IARS2: variants seen among roughly 807,000 people sequenced by gnomAD.
The protein encoded by IARS2 is isoleucyl-tRNA synthetase 2, mitochondrial, also known as isoleucine--tRNA ligase, mitochondrial.
IARS2 carries 56 observed loss-of-function variants against 126.3 expected under a neutral mutation model. The ratio of observed to expected loss-of-function variants is 0.44; its 90% CI spans 0.36 to 0.55. IARS2 has a LOEUF of 0.55. Ranked by LOEUF, IARS2 falls within the 20% of genes least tolerant of loss-of-function variation. The probability of loss-of-function intolerance (pLI) is 0.00; values close to 1 mark genes in which losing one functional copy is unlikely to be tolerated. For synonymous variants in IARS2, 407 were observed against 441.1 expected (o/e 0.92, Z 0.97); for missense variants, 1,127 against 1,245.9 (o/e 0.90, Z 1.44).
chr1:220,110,151 A>G (rs1656767684), intron 10 of IARS2, among the ~76,000 whole-genome samples: 1 of 150,172 alleles, frequency 6.7e-6, no homozygotes. Context: ...GCTTTAGCTT[A>G]GGTTCAAATG....
At chr1:220,138,869 A>G (rs1657434301) in intron 17 of IARS2, 139 bp from the exon 18 acceptor site, 7 of 756,412 alleles carry the variant, frequency 9.3e-6, no homozygotes. Flanking sequence ...ATTTTTTTAC[A>G]TTTGTAGTCT....
In IARS2 at chr1:220,142,927, T is replaced by C; in HGVS notation, c.2561-17T>C. On this transcript the variant is annotated splice_polypyrimidine_tract_variant and intron_variant, in intron 20 of 22. Coordinates refer to ENST00000366922, the MANE Select transcript of IARS2 (RefSeq NM_018060.4). The stretch of plus-strand genomic sequence containing the variant: ...AGGATGTTTGTAAAGCAGTTTACTA[T>C]TTTTGTTCTTCTGAAGAGCCCAAGA... The C allele has an allele frequency of 6.4e-7, 1 of 1,568,830 alleles. No individual in the cohort carries two copies. The highest frequency in any genetic ancestry group is 1.3e-5 in the African/African-American group (1 of 74,092).
At chr1:220,142,166 A>G (rs933727017) in intron 20 of IARS2, among the ~76,000 whole-genome samples, 1 of 152,186 alleles carries the variant, frequency 6.6e-6, no homozygotes, top group Admixed American at 6.5e-5. Flanking sequence ...GCAGCTTGAC[A>G]GTGTCGAGAA....
In IARS2 at chr1:220,094,369, C is replaced by G. The variant is rs761323544; in HGVS notation, c.153C>G (p.His51Gln). 1.2e-6 allele frequency: 2 copies of G among 1,613,210 alleles called. No homozygotes were observed. Among genetic ancestry groups the G allele is most frequent in the East Asian group, 4.5e-5 (2 of 44,838 alleles). The change falls in exon 1 of 23, where the codon CAC becomes CAG. Residue 51 changes from histidine to glutamine, a missense_variant. His to Gln is a conservative substitution (Grantham distance 24). Coordinates refer to ENST00000366922, the MANE Select transcript of IARS2 (RefSeq NM_018060.4). The part of the protein sequence containing the change: ...LVRSVSGASN[H>Q]QPNSNSGRYR... ...GGTCGGTCTCCGGGGCCAGTAACCA[C>G]CAGCCGAACTCGAATAGTGGCAGAT...
intron 1 of IARS2, 60 bp downstream of exon 1, chr1:220,094,543 G>C: frequency 7.2e-7 from 1 of 1,395,036 alleles, no homozygotes; most frequent in Admixed American, 2.7e-5. Flanking sequence ...GCGGGCACCG[G>C]GCGCTCGCAG....
Position 220,102,619 on chromosome 1 carries a change from T to A in IARS2, c.859+15T>A. The A allele has an allele frequency of 6.3e-7, 1 of 1,594,086 alleles. No homozygotes were observed. The highest frequency in any genetic ancestry group is 8.6e-7 in the Non-Finnish European group (1 of 1,161,984). On this transcript the variant is annotated intron_variant, in intron 6 of 22. Coordinates refer to ENST00000366922, the MANE Select transcript of IARS2 (RefSeq NM_018060.4). ...ATCTCTTATAGGTAAGATTTATTCA[T>A]AGCTTGAGTGTACCAAAGTTATAGA...
intron 12 of IARS2, among the ~76,000 whole-genome samples, chr1:220,114,907 T>C (rs1302789328): frequency 6.6e-6 from 1 of 151,924 alleles, no homozygotes; most frequent in African/African-American, 2.4e-5. Flanking sequence ...TAAATGCACA[T>C]GATTACACTG....
At chr1:220,117,337 A>G (rs1309419723) in intron 12 of IARS2, among the ~76,000 whole-genome samples, 1 of 151,614 alleles carries the variant, frequency 6.6e-6, no homozygotes, top group African/African-American at 2.4e-5. Flanking sequence ...GATTAGAGGC[A>G]TGTGCCACCA....
rs757165355 is a variant in IARS2 at position 220,106,076 on chromosome 1, T to G, written c.1236+16T>G. The G allele has an allele frequency of 1.9e-5, 29 of 1,560,686 alleles. No homozygotes were observed. Among genetic ancestry groups the G allele is most frequent in the Non-Finnish European group, 2.4e-5 (28 of 1,149,380 alleles). On this transcript the variant is annotated intron_variant, in intron 9 of 22. Transcript: ENST00000366922. ...CCTGCCCATGGTACTGTTCCTCTTT[T>G]ATCATTTTTAATTATTCATCTTAAT...
rs1345248646 is a variant in IARS2, at chr1:220,102,245, C to T, written c.667C>T (p.Gln223Ter). ...YTFDGKYEAK[Q>*]LRTFYQMYDK... Reference sequence around the variant, plus strand: ...ATTTGATGGGAAGTATGAAGCCAAACAGTTGAGAACTTTTTACCAAATGTA... The same window carrying T: ...ATTTGATGGGAAGTATGAAGCCAAATAGTTGAGAACTTTTTACCAAATGTA... The change falls in exon 4 of 23, where the codon CAG becomes TAG. Residue 223 changes from glutamine (Q) to a stop codon, truncating the protein, a stop_gained. Transcript: ENST00000366922. LOFTEE classifies it high-confidence loss of function. The T allele has an allele frequency of 6.2e-7, 1 of 1,608,634 alleles. No individual in the cohort carries two copies. The highest frequency in any genetic ancestry group is 8.5e-7 in the Non-Finnish European group (1 of 1,178,780).
chr1:220,105,284 C>G (rs80142259), intron 8 of IARS2, among the ~76,000 whole-genome samples: 10,920 of 152,152 alleles, frequency 0.072, 522 homozygotes, highest in South Asian at 0.15. Context: ...ACTTCATTGT[C>G]AAGTTATACA....
At chr1:220,102,023 T>C in intron 3 of IARS2, 106 bp from the exon 4 acceptor site, 3 of 1,119,406 alleles carry the variant, frequency 2.7e-6, no homozygotes, top group South Asian at 2.9e-5. Context: ...AAAATTTGCA[T>C]TCTAAACTGT....
chr1:220,096,465 G>C (rs1173605851), intron 2 of IARS2, among the ~76,000 whole-genome samples: 2 of 152,148 alleles, frequency 1.3e-5, no homozygotes, highest in African/African-American at 2.4e-5. Flanking sequence ...TATCGGGCGA[G>C]GCATTGTTCT....
At chr1:220,147,420 T>C in intron 22 of IARS2, 73 bp from the exon 23 acceptor site, 1 of 1,482,786 alleles carries the variant, frequency 6.7e-7, no homozygotes, top group Non-Finnish European at 9.4e-7. Flanking sequence ...AAGAAGCCTC[T>C]GCTAAACCAA....
Position 220,129,269 on chromosome 1 carries a change from G to C in IARS2, c.1837+2426G>C, listed in dbSNP as rs371992364. The stretch of plus-strand genomic sequence containing the variant: ...AATAATTGTACATATTATTGAGTAC[G>C]TGTAGTGTTTTGATAGGTGCATTTA... On this transcript the variant is annotated intron_variant, in intron 14 of 22. Coordinates refer to ENST00000366922, the MANE Select transcript of IARS2 (RefSeq NM_018060.4). Among the ~76,000 whole-genome samples, 101 of 152,272 alleles carry C rather than the reference G, an allele frequency of 6.6e-4. No individual in the cohort carries two copies. In the South Asian group the frequency reaches 9.5e-3, roughly 14 times the overall value.
chr1:220,105,571 A>G (rs2102820106), intron 8 of IARS2, among the ~76,000 whole-genome samples: 1 of 152,284 alleles, frequency 6.6e-6, no homozygotes, highest in Non-Finnish European at 1.5e-5. Flanking sequence ...AAAATGAATT[A>G]TTTCTTATCA....
At chr1:220,102,877 T>G in intron 7 of IARS2, 100 bp downstream of exon 7, 1 of 729,716 alleles carries the variant, frequency 1.4e-6, no homozygotes, top group Non-Finnish European at 2.3e-6. Flanking sequence ...TATTGTAAAA[T>G]TTAATGAATT....
At chr1:220,126,479 T>C (rs1657159312) in intron 13 of IARS2, among the ~76,000 whole-genome samples, 1 of 152,146 alleles carries the variant, frequency 6.6e-6, no homozygotes, top group Non-Finnish European at 1.5e-5. Flanking sequence ...GTATCACACA[T>C]TAAAATATCC....
chr1:220,125,971 A>T (rs1358447383), intron 13 of IARS2, among the ~76,000 whole-genome samples: 1 of 146,912 alleles, frequency 6.8e-6, no homozygotes, highest in Non-Finnish European at 1.5e-5. Context: ...GCTGGGTGCG[A>T]TGGTGGGCGC....
Sources: allele counts gnomAD v4.1 joint callset (sites outside exome capture counted in the v4.1 genomes callset), GRCh38; gene constraint gnomAD v4.1.1; transcripts MANE v1.5; gene names NCBI Gene and HGNC (gene_info 2026-07-23, HGNC 2026-07-21).